Variants in CPA6 observed in about 807,000 individuals in gnomAD.
CPA6 encodes carboxypeptidase B.
Under a neutral mutation model 63.3 loss-of-function variants are expected in CPA6, and 58 were observed. The observed-to-expected ratio is 0.92, with a 90% CI of 0.74 to 1.14. The LOEUF (loss-of-function observed/expected upper bound fraction) is 1.14. CPA6 is among the 50% of genes most tolerant of loss of function. The pLI is 0.00. For synonymous variants in CPA6, 185 were observed against 179.0 expected (o/e 1.03, Z -0.27); for missense variants, 565 against 526.6 (o/e 1.07, Z -0.71).
At chr8:67,555,829 A>G (rs934774896) in intron 2 of CPA6, among the ~76,000 whole-genome samples, 4 of 152,234 alleles carry the variant, frequency 2.6e-5, no homozygotes, top group African/African-American at 7.2e-5. Context: ...TGGAAAAATC[A>G]CACATATTTG....
intron 2 of CPA6, among the ~76,000 whole-genome samples, chr8:67,593,638 A>G (rs1814202519): frequency 6.6e-6 from 1 of 152,180 alleles, no homozygotes; most frequent in South Asian, 2.1e-4. Flanking sequence ...ACCATTATGT[A>G]ATGGCCTTCT....
At chr8:67,670,981 A>G (rs931634336) in intron 1 of CPA6, among the ~76,000 whole-genome samples, 7 of 152,222 alleles carry the variant, frequency 4.6e-5, no homozygotes, top group African/African-American at 7.2e-5. Flanking sequence ...ATAAACTCAC[A>G]TATGTTCTAC....
chr8:67,559,382 T>C (rs978212338), intron 2 of CPA6, among the ~76,000 whole-genome samples: 1 of 152,026 alleles, frequency 6.6e-6, no homozygotes, highest in African/African-American at 2.4e-5. Context: ...GGAGACTAGG[T>C]GGAAGAAAAG....
chr8:67,694,461 A>T (rs992776148), intron 1 of CPA6, among the ~76,000 whole-genome samples: 2 of 152,224 alleles, frequency 1.3e-5, no homozygotes, highest in East Asian at 3.8e-4. Flanking sequence ...ACTAAGTGTT[A>T]TCTGACCCAC....
At chr8:67,669,597 A>C (rs1266192280) in intron 1 of CPA6, among the ~76,000 whole-genome samples, 2 of 152,162 alleles carry the variant, frequency 1.3e-5, no homozygotes, top group African/African-American at 2.4e-5. Flanking sequence ...TAGTATTGTA[A>C]TCTAGTTTCT....
Position 67,644,703 on chromosome 8 carries a change from G to A in CPA6, c.117-20452C>T, listed in dbSNP as rs182855781. On this transcript the variant is annotated intron_variant, in intron 1 of 10. Transcript: ENST00000297770. ...CCCAGATTGATGAGCAGTGAAGAAG[G>A]GGACAGACTCTTGTTGGCTTGCACA... Among the ~76,000 whole-genome samples, 159 of 152,270 alleles carry A rather than the reference G, an allele frequency of 1.0e-3. 3 individuals are homozygous for A. Among genetic ancestry groups the A allele is most frequent in the Admixed American group, 8.0e-3 (123 of 15,290 alleles).
chr8:67,469,853 C>G (rs1282935467), intron 8 of CPA6, among the ~76,000 whole-genome samples: 1 of 152,122 alleles, frequency 6.6e-6, no homozygotes. Flanking sequence ...CTCCCTCTTT[C>G]TCTCTCTTTT....
At chr8:67,566,498 C>T (rs1813339407) in intron 2 of CPA6, among the ~76,000 whole-genome samples, 1 of 152,204 alleles carries the variant, frequency 6.6e-6, no homozygotes, top group South Asian at 2.1e-4. Context: ...TCAAATTTCT[C>T]ACTCTTGGAC....
At chr8:67,544,339 C>T (rs900114217) in intron 2 of CPA6, among the ~76,000 whole-genome samples, 3 of 152,104 alleles carry the variant, frequency 2.0e-5, no homozygotes, top group Non-Finnish European at 4.4e-5. Flanking sequence ...GGAACGCTTC[C>T]GTGGATGCTA....
At chr8:67,597,294 G>A (rs1814368775) in intron 2 of CPA6, among the ~76,000 whole-genome samples, 1 of 151,214 alleles carries the variant, frequency 6.6e-6, no homozygotes, top group African/African-American at 2.4e-5. Flanking sequence ...CGCCTCCCAG[G>A]TTCAAGCAAT....
intron 8 of CPA6, among the ~76,000 whole-genome samples, chr8:67,442,846 C>A (rs894159560): frequency 1.3e-5 from 2 of 152,154 alleles, no homozygotes; most frequent in African/African-American, 2.4e-5. Flanking sequence ...CTGCGCCTCG[C>A]CAATGACTGA....
intron 2 of CPA6, among the ~76,000 whole-genome samples, chr8:67,594,242 C>A (rs1814225538): frequency 6.6e-6 from 1 of 152,164 alleles, no homozygotes; most frequent in Non-Finnish European, 1.5e-5. Context: ...AGAGTTTCTG[C>A]CGAGAGATCC....
At chr8:67,575,795 T>G (rs1587584434) in intron 2 of CPA6, among the ~76,000 whole-genome samples, 1 of 150,632 alleles carries the variant, frequency 6.6e-6, no homozygotes, top group Middle Eastern at 3.5e-3. Flanking sequence ...GAGGTGGAGG[T>G]TGCAGTGAGC....
intron 2 of CPA6, among the ~76,000 whole-genome samples, chr8:67,596,358 A>C (rs1160166883): frequency 2.0e-5 from 3 of 152,140 alleles, no homozygotes; most frequent in Non-Finnish European, 4.4e-5. Context: ...CTACCATTCC[A>C]CAGACTTCTG....
rs116850314 is a variant in CPA6, at chr8:67,524,965, A to G, written c.193-6918T>C. Among the ~76,000 whole-genome samples, 312 of 152,294 alleles carry G rather than the reference A, an allele frequency of 2.0e-3. 2 individuals carry two copies. Among genetic ancestry groups the G allele is most frequent in the Non-Finnish European group, 3.0e-3 (206 of 68,014 alleles). On this transcript the variant is annotated intron_variant, in intron 2 of 10. Coordinates refer to ENST00000297770, the MANE Select transcript of CPA6 (RefSeq NM_020361.5). The stretch of plus-strand genomic sequence containing the variant: ...CCTAGACTATACTGCTTCATAGGTT[A>G]CAGTACTATATTGTTTTCTGATGAC...
intron 1 of CPA6, among the ~76,000 whole-genome samples, chr8:67,666,091 T>A (rs772267873): frequency 1.3e-5 from 2 of 152,222 alleles, no homozygotes; most frequent in Non-Finnish European, 2.9e-5. Flanking sequence ...CACTGTTCCT[T>A]CTGGTAGGAT....
rs139885924 is a variant in CPA6, at chr8:67,506,873, G to T, written c.550C>A (p.Arg184=). Residue 184 remains arginine (R), a synonymous_variant, in exon 6 of 11, where the codon CGA becomes AGA. Transcript: ENST00000297770. The stretch of plus-strand genomic sequence containing the variant: ...TCTATCCAAACAGCTCTTTTGAGTC[G>T]TGATCGTCTGCCCAGCTGAAAACAA... The part of the protein sequence containing the change: ...LFILKLGRRS[R]LKRAVWIDCG... The T allele has an allele frequency of 6.2e-7, 1 of 1,612,882 alleles. No individual in the cohort carries two copies. The highest frequency in any genetic ancestry group is 1.3e-5 in the African/African-American group (1 of 74,864).
intron 2 of CPA6, among the ~76,000 whole-genome samples, chr8:67,564,376 C>A (rs1422769653): frequency 6.7e-6 from 1 of 149,734 alleles, no homozygotes; most frequent in Non-Finnish European, 1.5e-5. Context: ...CTATTTCTTT[C>A]TCTGGGATGC....
intron 1 of CPA6, among the ~76,000 whole-genome samples, chr8:67,723,890 GA>G (rs776899093): frequency 6.6e-6 from 1 of 152,054 alleles, no homozygotes; most frequent in African/African-American, 2.4e-5. Context: ...CACAAAGAAA[GA>G]AAAACTAATG....
Sources: gnomAD v4.1 joint callset for allele counts (sites outside exome capture counted in the v4.1 genomes callset) on GRCh38, gnomAD v4.1.1 for gene constraint, MANE v1.5 for transcripts, NCBI Gene and HGNC (gene_info 2026-07-23, HGNC 2026-07-21) for gene names.